Variants in GMDS observed in about 807,000 individuals in gnomAD.
GMDS encodes GDP-mannose 4,6-dehydratase, also known as GDP-mannose 4,6 dehydratase.
A neutral mutation model predicts 49.9 loss-of-function variants in GMDS; 20 were observed. The ratio of observed to expected loss-of-function variants is 0.40; its 90% CI spans 0.28 to 0.58. GMDS has a LOEUF of 0.58. GMDS is among the 20% of genes least tolerant of loss of function. GMDS has a pLI of 0.42. For missense variants in GMDS, 362 were observed against 481.4 expected, an observed-to-expected ratio of 0.75 and a Z score of 2.32; for synonymous variants, 177 against 178.6, an observed-to-expected ratio of 0.99 and a Z score of 0.07.
intron 4 of GMDS, among the ~76,000 whole-genome samples, chr6:2,070,640 G>A (rs1374998379): frequency 3.3e-5 from 5 of 152,108 alleles, no homozygotes; most frequent in Non-Finnish European, 1.5e-5. Context: ...AAAGTCAGAT[G>A]TCTCAAAAGA....
chr6:1,961,200 C>G (rs1002592867), intron 4 of GMDS, among the ~76,000 whole-genome samples: 1 of 152,220 alleles, frequency 6.6e-6, no homozygotes, highest in African/African-American at 2.4e-5. Flanking sequence ...AACCGCCCTT[C>G]TACTACTCGT....
At chr6:1,888,133 TA>T (rs769946297) in intron 7 of GMDS, among the ~76,000 whole-genome samples, 4 of 97,844 alleles carry the variant, frequency 4.1e-5, no homozygotes, top group African/African-American at 1.1e-4. Context: ...TTATTATTAT[TA>T]TTTTTTTTTT....
chr6:2,007,563 C>CT (rs147231232), intron 4 of GMDS, among the ~76,000 whole-genome samples: 4,464 of 148,320 alleles, frequency 0.03, 145 homozygotes, highest in South Asian at 0.097. Context: ...TTTCTTTTTT[C>CT]TTTTTTTTTT....
rs571067702 is a variant in GMDS, at chr6:2,079,738, T to C, written c.345+36033A>G. Among the ~76,000 whole-genome samples, 58 of 152,284 alleles carry C rather than the reference T, an allele frequency of 3.8e-4. No homozygotes were observed. The East Asian group carries it at 7.5e-3, about 20-fold the overall frequency. ...TTCTCTTGCCTTTTTCAGAATTCTG[T>C]CTTTGACTTTAGATAGTTTGACTAT... On this transcript the variant is annotated intron_variant, in intron 4 of 10. Coordinates refer to ENST00000380815, the MANE Select transcript of GMDS (RefSeq NM_001500.4).
At chr6:1,912,197 C>G (rs567516000) in intron 7 of GMDS, among the ~76,000 whole-genome samples, 1 of 152,036 alleles carries the variant, frequency 6.6e-6, no homozygotes, top group Non-Finnish European at 1.5e-5. Context: ...GAAACTCTGT[C>G]TCTACTAAAA....
At chr6:1,741,638 C>T (rs558660805) in intron 8 of GMDS, among the ~76,000 whole-genome samples, 15 of 151,126 alleles carry the variant, frequency 9.9e-5, no homozygotes, top group African/African-American at 2.7e-4. Flanking sequence ...ACAATGAAAC[C>T]CCATCTCTAC....
In GMDS at chr6:2,117,504, T is replaced by C; in HGVS notation, c.200A>G (p.His67Arg). The change falls in exon 3 of 11, where the codon CAT becomes CGT. Residue 67 changes from histidine (H) to arginine (R), a missense_variant. Coordinates refer to ENST00000380815, the MANE Select transcript of GMDS (RefSeq NM_001500.4). ...GTGAGCCTGGGGATTCTTATACAGA[T>C]GCTCAATTCGACCCGTATTAAATGA... ...SSSFNTGRIEHLYKNPQAHIE... is the reference protein window; with the variant it reads ...SSSFNTGRIERLYKNPQAHIE... 1.2e-6 allele frequency: 2 copies of C among 1,608,178 alleles called. No individual in the cohort carries two copies. Among genetic ancestry groups the C allele is most frequent in the Non-Finnish European group, 1.7e-6 (2 of 1,174,568 alleles).
intron 4 of GMDS, among the ~76,000 whole-genome samples, chr6:2,058,338 C>CAAAAAAAAA (rs11390421): frequency 1.1e-5 from 1 of 90,324 alleles, no homozygotes. Context: ...GAGTAAGACT[C>CAAAAAAAAA]AAAAAAAAAA....
chr6:1,931,022 T>G (rs1337908714), intron 6 of GMDS: 2 of 152,230 alleles, frequency 1.3e-5, no homozygotes, highest in African/African-American at 4.8e-5. Flanking sequence ...TAATGAAAAC[T>G]CTATCTGCTT....
At chr6:2,136,980 C>T (rs1481429339) in intron 1 of GMDS, among the ~76,000 whole-genome samples, 2 of 151,410 alleles carry the variant, frequency 1.3e-5, no homozygotes, top group African/African-American at 2.4e-5. Context: ...AAATCCATAT[C>T]GGTTCAAGTT....
chr6:1,873,858 C>G (rs1755736210), intron 7 of GMDS, among the ~76,000 whole-genome samples: 1 of 152,186 alleles, frequency 6.6e-6, no homozygotes, highest in Admixed American at 6.5e-5. Flanking sequence ...AAGTGCCAAC[C>G]TCTACCAAAG....
intron 1 of GMDS, among the ~76,000 whole-genome samples, chr6:2,205,260 G>A (rs1028008473): frequency 3.9e-5 from 6 of 152,134 alleles, no homozygotes; most frequent in African/African-American, 1.4e-4. Context: ...TATGTTCTTT[G>A]CTTTTAAATG....
chr6:2,175,814 C>G, intron 1 of GMDS: 1 of 634,624 alleles, frequency 1.6e-6, no homozygotes, highest in Non-Finnish European at 2.8e-6. Flanking sequence ...GCCCTTAAAA[C>G]ATGTTGTAAG....
chr6:1,973,641 G>A (rs963812983), intron 4 of GMDS, among the ~76,000 whole-genome samples: 2 of 152,022 alleles, frequency 1.3e-5, no homozygotes, highest in African/African-American at 4.8e-5. Flanking sequence ...ACAACATACA[G>A]TCTTCATTAT....
chr6:1,895,395 G>C (rs1221862757), intron 7 of GMDS, among the ~76,000 whole-genome samples: 1 of 152,052 alleles, frequency 6.6e-6, no homozygotes, highest in African/African-American at 2.4e-5. Flanking sequence ...ATGTGTAGTG[G>C]GGTCAGCCAA....
At chr6:2,007,425 A>T (rs2127389535) in intron 4 of GMDS, among the ~76,000 whole-genome samples, 1 of 152,288 alleles carries the variant, frequency 6.6e-6, no homozygotes, top group Non-Finnish European at 1.5e-5. Flanking sequence ...CTTCTGGTAA[A>T]ACATGCCACT....
chr6:1,802,352 AT>A (rs1254257168), intron 7 of GMDS, among the ~76,000 whole-genome samples: 2 of 152,266 alleles, frequency 1.3e-5, no homozygotes, highest in African/African-American at 4.8e-5. Context: ...ACCAAAAAAA[AT>A]AATAAAGTTT....
chr6:1,671,821 C>T (rs938010920), intron 9 of GMDS, among the ~76,000 whole-genome samples: 23 of 152,124 alleles, frequency 1.5e-4, no homozygotes, highest in African/African-American at 5.3e-4. Flanking sequence ...TGCGCCACCA[C>T]ACCCGGCTAA....
intron 8 of GMDS, among the ~76,000 whole-genome samples, chr6:1,738,326 T>C (rs4959603): frequency 0.98 from 149,285 of 152,356 alleles, 73,152 homozygotes; most frequent in East Asian, 1. Context: ...CATGTGGTAC[T>C]GATCTGCTTC....
Sources: allele counts gnomAD v4.1 joint callset (sites outside exome capture counted in the v4.1 genomes callset), GRCh38; gene constraint gnomAD v4.1.1; transcripts MANE v1.5; gene names NCBI Gene and HGNC (gene_info 2026-07-23, HGNC 2026-07-21).